ADAMTS20: variants seen among roughly 807,000 people sequenced by gnomAD.
ADAMTS20 encodes the protein ADAM metallopeptidase with thrombospondin type 1 motif 20.
ADAMTS20 carries 225 observed loss-of-function variants against 260.1 expected under a neutral mutation model. The ratio of observed to expected loss-of-function variants is 0.87; its 90% confidence interval spans 0.78 to 0.97. The LOEUF (loss-of-function observed/expected upper bound fraction) is 0.97, where lower values mean the gene tolerates loss of function less well. Ranked by LOEUF, ADAMTS20 falls within the 50% of genes least tolerant of loss-of-function variation. The probability of loss-of-function intolerance (pLI) is 0.00; values close to 1 mark genes in which losing one functional copy is unlikely to be tolerated. For missense variants in ADAMTS20, 2,400 were observed against 2,337.7 expected, an observed-to-expected ratio of 1.03 and a Z score of -0.55; for synonymous variants, 802 against 769.5, an observed-to-expected ratio of 1.04 and a Z score of -0.70.
At chr12:43,353,688 G>A (rs1029859321), downstream of ADAMTS20, among the ~76,000 whole-genome samples, 1 of 152,070 alleles carries the variant, frequency 6.6e-6, no homozygotes, top group Admixed American at 6.5e-5. Context: ...TAAACTGTAT[G>A]AGTACAAAGT....
At chr12:43,395,677 CTTTTTTTTTTTTTT>C (rs5797860) in intron 29 of ADAMTS20, among the ~76,000 whole-genome samples, 1 of 90,828 alleles carries the variant, frequency 1.1e-5, no homozygotes, top group Non-Finnish European at 2.1e-5. Flanking sequence ...GTGTGAGATT[CTTTTTTTTTTTTTT>C]TTTTTTTTTG....
chr12:43,360,228 C>T (rs143046080), intron 37 of ADAMTS20, among the ~76,000 whole-genome samples: 7 of 152,272 alleles, frequency 4.6e-5, no homozygotes, highest in African/African-American at 1.7e-4. Context: ...GTGGATGTAT[C>T]ACCTGAGGTC....
chr12:43,466,809 T>G lies in ADAMTS20; in HGVS notation c.1224-14A>C, dbSNP rs1184881129. ...TGAACACCAAGTCTAAAAATAAAAA[T>G]AAACACTTAAAAGGAATATCAAAAG... On this transcript the variant is annotated splice_polypyrimidine_tract_variant and intron_variant, in intron 8 of 38. Coordinates refer to ENST00000389420, the MANE Select transcript of ADAMTS20 (RefSeq NM_025003.5). The G allele has an allele frequency of 1.3e-6, 2 of 1,560,972 alleles. No individual in the cohort carries two copies. Among genetic ancestry groups the G allele is most frequent in the African/African-American group, 2.7e-5 (2 of 73,116 alleles).
At position 43,443,927 on chromosome 12, in the gene ADAMTS20, T is replaced by C. The variant is rs758644518; in HGVS notation, c.2198-44A>G. 6 of 1,523,162 alleles carry C rather than the reference T, an allele frequency of 3.9e-6. 1 individual carries two copies. In the South Asian group the frequency reaches 4.5e-5, roughly 11 times the overall value. The allele number at this position is 1,523,162 out of a possible 1,614,324, so 94.4% of individuals were successfully genotyped here. ...TATGTTAAATTTCACAAAAAGCAGATGGCCCAGAGGTTATTACTGCTGAAT... is the reference window on the plus strand; with the variant it reads ...TATGTTAAATTTCACAAAAAGCAGACGGCCCAGAGGTTATTACTGCTGAAT... On this transcript the variant is annotated intron_variant, in intron 15 of 38. Transcript: ENST00000389420.
chr12:43,421,887 G>T (rs1346871547), intron 28 of ADAMTS20, among the ~76,000 whole-genome samples: 2 of 151,916 alleles, frequency 1.3e-5, no homozygotes, highest in Non-Finnish European at 2.9e-5. Flanking sequence ...TTTAATAAGA[G>T]AAATTAACAG....
intron 2 of ADAMTS20, among the ~76,000 whole-genome samples, chr12:43,550,147 A>C (rs1025399874): frequency 1.1e-4 from 16 of 152,334 alleles, no homozygotes; most frequent in African/African-American, 3.8e-4. Flanking sequence ...GATGGAAAAA[A>C]GGTACATCTT....
intron 14 of ADAMTS20, among the ~76,000 whole-genome samples, chr12:43,451,638 C>T (rs1324714049): frequency 6.6e-6 from 1 of 152,104 alleles, no homozygotes; most frequent in Non-Finnish European, 1.5e-5. Context: ...CCTTTACCCA[C>T]CTCCCCATAA....
Position 43,551,203 on chromosome 12 carries a change from T to A in ADAMTS20, c.159A>T (p.Glu53Asp), listed in dbSNP as rs752265488. The A allele has an allele frequency of 1.2e-6, 2 of 1,613,836 alleles. No homozygotes were observed. Among genetic ancestry groups the A allele is most frequent in the Middle Eastern group, 1.6e-4 (1 of 6,062 alleles). Residue 53 changes from glutamate (E) to aspartate (D), a missense_variant, in exon 2 of 39, where the codon GAA (glutamate) becomes GAT (aspartate). Physicochemically the swap from Glu to Asp is conservative, Grantham distance 45 (BLOSUM62 2). Coordinates refer to ENST00000389420, the MANE Select transcript of ADAMTS20 (RefSeq NM_025003.5). This position sits in a 1 kb window ranked among gnomAD's most constrained non-coding sequence, Gnocchi z 4.6. ...VIPERVNEFGEVFPQSHHFSR... is the reference protein window; with the variant it reads ...VIPERVNEFGDVFPQSHHFSR... ...TGAAGTGGTGGCTCTGAGGGAACAC[T>A]TCTCCAAACTCATTGACCCGCTCGG...
At chr12:43,549,612 T>TTG (rs1943486086) in intron 2 of ADAMTS20, among the ~76,000 whole-genome samples, 1 of 152,158 alleles carries the variant, frequency 6.6e-6, no homozygotes, top group Non-Finnish European at 1.5e-5. Flanking sequence ...AGTCTAGGAT[T>TTG]TTCCAGACAA....
rs35250695 is a variant in ADAMTS20, at chr12:43,436,434, TA to T, written c.2594-2064del. Among the ~76,000 whole-genome samples the T allele has an allele frequency of 6.2e-4, 93 of 148,920 alleles. 1 individual carries two copies. Among genetic ancestry groups the T allele is most frequent in the African/African-American group, 1.8e-3 (75 of 40,768 alleles). On this transcript the variant is annotated intron_variant, in intron 18 of 38. Coordinates refer to ENST00000389420, the MANE Select transcript of ADAMTS20 (RefSeq NM_025003.5). The stretch of plus-strand genomic sequence containing the variant: ...ACTTTATATTTTCTAGTAGTCACGT[TA>T]AAAAAAAAAGTTAAATTAATTTTAA...
chr12:43,416,269 C>G (rs1386631525), intron 28 of ADAMTS20, among the ~76,000 whole-genome samples: 3 of 152,008 alleles, frequency 2.0e-5, no homozygotes, highest in African/African-American at 4.8e-5. Context: ...CGTCTCTAGT[C>G]TGTCACTTTT....
chr12:43,387,659 GCTAT>G (rs1364931123), intron 29 of ADAMTS20, among the ~76,000 whole-genome samples: 1 of 152,208 alleles, frequency 6.6e-6, no homozygotes, highest in Non-Finnish European at 1.5e-5. Flanking sequence ...GAATGGGGCT[GCTAT>G]CTTTCTTTCA....
At chr12:43,516,215 G>A (rs1483318493) in intron 3 of ADAMTS20, among the ~76,000 whole-genome samples, 1 of 150,392 alleles carries the variant, frequency 6.6e-6, no homozygotes, top group Admixed American at 6.6e-5. Flanking sequence ...CACATGCTAG[G>A]GCCAGCCAAA....
At chr12:43,450,829 A>G (rs1010797879) in intron 14 of ADAMTS20, among the ~76,000 whole-genome samples, 1 of 152,172 alleles carries the variant, frequency 6.6e-6, no homozygotes, top group African/African-American at 2.4e-5. Context: ...GGTTAAATCT[A>G]GCTAATTAAC....
chr12:43,542,309 T>C (rs934433079), intron 2 of ADAMTS20, among the ~76,000 whole-genome samples: 3 of 152,198 alleles, frequency 2.0e-5, no homozygotes, highest in Admixed American at 6.5e-5. Flanking sequence ...AATGGAAACA[T>C]ACTCATGATA....
At chr12:43,417,230 A>G (rs1056509283) in intron 28 of ADAMTS20, among the ~76,000 whole-genome samples, 1 of 152,170 alleles carries the variant, frequency 6.6e-6, no homozygotes, top group East Asian at 1.9e-4. Flanking sequence ...GGTTTCCCTG[A>G]GTCACAGCTG....
intron 36 of ADAMTS20, among the ~76,000 whole-genome samples, chr12:43,370,627 T>C (rs919715269): frequency 2.6e-5 from 4 of 152,220 alleles, no homozygotes; most frequent in Non-Finnish European, 5.9e-5. Flanking sequence ...ACAGAACATA[T>C]ATCAAATTCC....
intron 21 of ADAMTS20, 132 bp from the exon 22 acceptor site, chr12:43,431,628 C>A: frequency 9.6e-7 from 1 of 1,042,820 alleles, no homozygotes; most frequent in South Asian, 1.4e-5. Context: ...TCCCTCACTC[C>A]ACCAGAGATA....
At chr12:43,511,937 A>T (rs1942930007) in intron 3 of ADAMTS20, among the ~76,000 whole-genome samples, 1 of 152,104 alleles carries the variant, frequency 6.6e-6, no homozygotes, top group Non-Finnish European at 1.5e-5. Flanking sequence ...GTGTGACCAT[A>T]TCAGATGTAT....
Sources: gnomAD v4.1 joint callset for allele counts (sites outside exome capture counted in the v4.1 genomes callset) on GRCh38, gnomAD v4.1.1 for gene constraint, Gnocchi (gnomAD v3.1) non-coding constraint, MANE v1.5 for transcripts, NCBI Gene and HGNC (gene_info 2026-07-23, HGNC 2026-07-21) for gene names.